The following CSMD1 variants were observed in gnomAD, a reference collection of about 807,000 sequenced individuals.
CSMD1 encodes CUB and sushi domain-containing protein 1.
CSMD1 carries 213 observed loss-of-function variants against 417.5 expected under a neutral mutation model. That is an observed-to-expected ratio of 0.51 (90% CI 0.46 to 0.57). CSMD1 has a LOEUF of 0.57. CSMD1 is among the 20% of genes least tolerant of loss of function. CSMD1 has a pLI of 0.00. For synonymous variants in CSMD1, 2,862 were observed against 1,736.8 expected (o/e 1.65, Z -16.11); for missense variants, 6,923 against 4,529.7 (o/e 1.53, Z -15.17).
At chr8:4,707,995 G>C (rs1475421608) in intron 1 of CSMD1, among the ~76,000 whole-genome samples, 1 of 151,244 alleles carries the variant, frequency 6.6e-6, no homozygotes, top group African/African-American at 2.4e-5. Context: ...ACCCAGGCTA[G>C]TGCAGTGACA....
At chr8:3,736,762 T>A (rs1366840738) in intron 6 of CSMD1, among the ~76,000 whole-genome samples, 5 of 152,204 alleles carry the variant, frequency 3.3e-5, no homozygotes, top group African/African-American at 1.2e-4. Flanking sequence ...ATTAGGTGTG[T>A]CGTTTTGCCT....
chr8:3,909,366 C>T (rs1306028720), intron 5 of CSMD1, among the ~76,000 whole-genome samples: 1 of 152,082 alleles, frequency 6.6e-6, no homozygotes, highest in Non-Finnish European at 1.5e-5. Context: ...GACTCACATT[C>T]GTCAGGAGGA....
At chr8:4,618,764 G>C (rs888050922) in intron 2 of CSMD1, among the ~76,000 whole-genome samples, 1 of 152,132 alleles carries the variant, frequency 6.6e-6, no homozygotes, top group African/African-American at 2.4e-5. Context: ...CCACCTTTCA[G>C]AATCTTGAGG....
intron 12 of CSMD1, among the ~76,000 whole-genome samples, chr8:3,460,219 C>T (rs182348278): frequency 1.3e-5 from 2 of 152,176 alleles, no homozygotes; most frequent in South Asian, 2.1e-4. Flanking sequence ...ACGGGAAGAT[C>T]AGCAAATGAT....
chr8:4,260,702 G>A (rs946614764), intron 3 of CSMD1, among the ~76,000 whole-genome samples: 10 of 152,096 alleles, frequency 6.6e-5, no homozygotes, highest in Non-Finnish European at 1.2e-4. Flanking sequence ...TTCCCATGTC[G>A]TTGGTTTATT....
intron 49 of CSMD1, among the ~76,000 whole-genome samples, chr8:3,068,653 G>A (rs1813113537): frequency 6.6e-6 from 1 of 152,160 alleles, no homozygotes; most frequent in African/African-American, 2.4e-5. Flanking sequence ...CATGGCAGAA[G>A]GCCAAGGGGG....
At chr8:4,816,627 C>T (rs998261295) in intron 1 of CSMD1, among the ~76,000 whole-genome samples, 2 of 152,152 alleles carry the variant, frequency 1.3e-5, no homozygotes, top group Non-Finnish European at 2.9e-5. Context: ...CATGTGAACA[C>T]CTGTTCCCGA....
intron 3 of CSMD1, among the ~76,000 whole-genome samples, chr8:4,072,544 GT>G (rs1740757846): frequency 6.6e-6 from 1 of 152,158 alleles, no homozygotes. Context: ...ATAGTTTTAA[GT>G]ATTGTGCATA....
intron 18 of CSMD1, among the ~76,000 whole-genome samples, 184 bp from the exon 19 acceptor site, chr8:3,369,554 G>C (rs568549743): frequency 2.0e-5 from 3 of 152,286 alleles, no homozygotes; most frequent in East Asian, 3.9e-4. Flanking sequence ...TTCATATGAA[G>C]GGATCTTAAC....
At chr8:4,400,285 T>C (rs1247933341) in intron 3 of CSMD1, among the ~76,000 whole-genome samples, 2 of 152,220 alleles carry the variant, frequency 1.3e-5, no homozygotes, top group African/African-American at 4.8e-5. Context: ...ATAAGTAAGA[T>C]ACTAGCAAAT....
chr8:3,649,753 TA>T (rs1012114941), intron 7 of CSMD1, among the ~76,000 whole-genome samples: 3 of 152,178 alleles, frequency 2.0e-5, no homozygotes, highest in African/African-American at 7.2e-5. Flanking sequence ...AGCCTAACCA[TA>T]ACATCATCCA....
chr8:3,916,029 C>T (rs4526382), intron 5 of CSMD1, among the ~76,000 whole-genome samples: 58,264 of 150,608 alleles, frequency 0.39, 12,160 homozygotes, highest in South Asian at 0.57. Flanking sequence ...TCACTGCAGA[C>T]ACAAGACAAA....
chr8:3,332,410 AG>A (rs1423203377), intron 23 of CSMD1, among the ~76,000 whole-genome samples: 1 of 152,220 alleles, frequency 6.6e-6, no homozygotes, highest in Non-Finnish European at 1.5e-5. Flanking sequence ...GGCCTGAATT[AG>A]CTGGGAAGAG....
intron 49 of CSMD1, among the ~76,000 whole-genome samples, chr8:3,086,535 A>T (rs1297963376): frequency 2.0e-5 from 3 of 152,198 alleles, no homozygotes; most frequent in African/African-American, 7.2e-5. Context: ...GATAAGATAA[A>T]ACTATGAAAA....
At chr8:4,917,718 C>T (rs561111396) in intron 1 of CSMD1, among the ~76,000 whole-genome samples, 1 of 152,124 alleles carries the variant, frequency 6.6e-6, no homozygotes, top group Non-Finnish European at 1.5e-5. Context: ...TCAGTGGGAA[C>T]CCTAGAATGT....
intron 7 of CSMD1, among the ~76,000 whole-genome samples, chr8:3,656,652 G>T (rs1227229711): frequency 1.3e-5 from 2 of 152,204 alleles, no homozygotes; most frequent in Non-Finnish European, 2.9e-5. Flanking sequence ...TTTAGGCCAG[G>T]CGTGGTGGCT....
At chr8:3,847,030 C>T (rs977427773) in intron 5 of CSMD1, among the ~76,000 whole-genome samples, 2 of 152,064 alleles carry the variant, frequency 1.3e-5, no homozygotes, top group Non-Finnish European at 2.9e-5. Flanking sequence ...TCAGATGATG[C>T]CTCTTAGCAA....
At chr8:4,365,907 A>G (rs1215833138) in intron 3 of CSMD1, among the ~76,000 whole-genome samples, 2 of 152,200 alleles carry the variant, frequency 1.3e-5, no homozygotes, top group African/African-American at 4.8e-5. Context: ...TTTCATCTTT[A>G]AAGTTTTATT....
chr8:3,293,993 G>A (rs925501388), intron 25 of CSMD1, among the ~76,000 whole-genome samples: 2 of 150,006 alleles, frequency 1.3e-5, no homozygotes, highest in Admixed American at 1.4e-4. Flanking sequence ...ATGACGTACA[G>A]ATGGGGTTTT....
Sources: allele counts gnomAD v4.1 joint callset (sites outside exome capture counted in the v4.1 genomes callset), GRCh38; gene constraint gnomAD v4.1.1; transcripts MANE v1.5; gene names NCBI Gene and HGNC (gene_info 2026-07-23, HGNC 2026-07-21).